Variants in EBF4 observed in about 807,000 individuals in gnomAD.
The protein encoded by EBF4 is transcription factor COE4.
EBF4 carries 34 observed loss-of-function variants against 67.1 expected under a neutral mutation model. The ratio of observed to expected loss-of-function variants is 0.51; its 90% CI spans 0.39 to 0.67. EBF4 has a LOEUF of 0.67. EBF4 is among the 30% of genes least tolerant of loss of function. EBF4 has a pLI of 0.00. For missense variants in EBF4, 837 were observed against 873.3 expected (o/e 0.96, Z 0.52); for synonymous variants, 387 against 377.7 (o/e 1.02, Z -0.29).
chr20:2,729,246 C>T (rs1162039350), intron 6 of EBF4, among the ~76,000 whole-genome samples: 1 of 151,912 alleles, frequency 6.6e-6, no homozygotes, highest in Non-Finnish European at 1.5e-5. Flanking sequence ...AGCGCATTTT[C>T]GCAACAGTTC....
chr20:2,705,740 G>A lies in EBF4; in HGVS notation c.294+7G>A, dbSNP rs1243746432. The A allele has an allele frequency of 1.9e-6, 3 of 1,547,888 alleles. No individual in the cohort carries two copies. Among genetic ancestry groups the A allele is most frequent in the Admixed American group, 3.9e-5 (2 of 50,764 alleles). Reference sequence around the variant, plus strand: ...CTTCGTGGAAAAGGACCGAGTGAGAGGCTCATGGGCTTGGCTGGGACTGGC... The same window carrying A: ...CTTCGTGGAAAAGGACCGAGTGAGAAGCTCATGGGCTTGGCTGGGACTGGC... On this transcript the variant is annotated splice_region_variant and intron_variant, in intron 2 of 16. Coordinates refer to ENST00000609451, the Ensembl canonical transcript of EBF4.
intron 5 of EBF4, among the ~76,000 whole-genome samples, chr20:2,708,528 C>T (rs759458823): frequency 1.2e-4 from 18 of 152,126 alleles, no homozygotes; most frequent in South Asian, 4.1e-4. Flanking sequence ...ACAGGGTCCT[C>T]GGAGGCAGTT....
chr20:2,694,943 A>T (rs942499160), intron 1 of EBF4, among the ~76,000 whole-genome samples: 2 of 152,198 alleles, frequency 1.3e-5, no homozygotes, highest in Non-Finnish European at 2.9e-5. Flanking sequence ...CAAAACTTTT[A>T]CAAGGGATAT....
intron 6 of EBF4, among the ~76,000 whole-genome samples, chr20:2,723,551 G>A (rs370780371): frequency 4.6e-5 from 7 of 151,834 alleles, no homozygotes; most frequent in East Asian, 1.9e-4. Context: ...GGGTTTCACC[G>A]TGTTAGCCAG....
At chr20:2,697,435 C>T (rs2087309524) in intron 1 of EBF4, among the ~76,000 whole-genome samples, 1 of 151,864 alleles carries the variant, frequency 6.6e-6, no homozygotes, top group Admixed American at 6.6e-5. Context: ...GTCCCAGCTA[C>T]TCAGGAGGCT....
intron 1 of EBF4, among the ~76,000 whole-genome samples, chr20:2,697,693 CCCCCTG>C (rs1216704787): frequency 5.3e-5 from 8 of 152,192 alleles, no homozygotes; most frequent in Admixed American, 2.6e-4. Flanking sequence ...TGCACAAGGA[CCCCCTG>C]CCCCTGCCCT....
chr20:2,712,102 T>C (rs887210653), intron 6 of EBF4, among the ~76,000 whole-genome samples: 6 of 152,152 alleles, frequency 3.9e-5, no homozygotes, highest in Non-Finnish European at 8.8e-5. Context: ...TGCAGGGTCT[T>C]ATAGGCTGCA....
chr20:2,707,990 G>A lies in EBF4; in HGVS notation c.458G>A (p.Arg153Gln), dbSNP rs1218091677. The A allele has an allele frequency of 1.9e-6, 3 of 1,609,108 alleles. No individual in the cohort carries two copies. The highest frequency in any genetic ancestry group is 2.5e-6 in the Non-Finnish European group (3 of 1,177,448). Residue 153 changes from arginine (R) to glutamine (Q), a missense_variant, in exon 5 of 17, where the codon CGA becomes CAA. By Grantham distance (43) the Arg-to-Gln change is conservative. Coordinates refer to ENST00000609451, the Ensembl canonical transcript of EBF4. The surrounding 1 kb of genome is among the most constrained non-coding windows in gnomAD (Gnocchi z 4.6). Reference sequence around the variant, plus strand: ...CAGGACAAGAACCCCGAAATGTGCCGAGTGCTGCTCACCCATGAGATCATG... The same window carrying A: ...CAGGACAAGAACCCCGAAATGTGCCAAGTGCTGCTCACCCATGAGATCATG...
chr20:2,722,928 A>T (rs889343819), intron 6 of EBF4, among the ~76,000 whole-genome samples: 3 of 152,058 alleles, frequency 2.0e-5, no homozygotes, highest in African/African-American at 7.2e-5. Context: ...GTCTTATTGG[A>T]TCTACTATAT....
In EBF4 at chr20:2,751,760, A is replaced by G; in HGVS notation, c.1079A>G (p.His360Arg). ...AGGCTACAGAAAGTCATTCCCAGAC[A>G]CCCCGGAGACCCCGAGAGGCTGCCC... is the stretch of plus-strand genomic sequence containing the variant. The change falls in exon 11 of 17, where the codon CAC (histidine) becomes CGC (arginine). Residue 360 changes from histidine (H) to arginine (R), a missense_variant. By Grantham distance (29) the His-to-Arg change is conservative. Coordinates refer to ENST00000609451, the Ensembl canonical transcript of EBF4. The surrounding 1 kb of genome is among the most constrained non-coding windows in gnomAD (Gnocchi z 5.2). 2 of 1,344,778 alleles carry G rather than the reference A, an allele frequency of 1.5e-6. No individual in the cohort carries two copies. The highest frequency in any genetic ancestry group is 2.0e-6 in the Non-Finnish European group (2 of 1,017,388). 83.3% of individuals were successfully genotyped at this position (1,344,778 alleles called of 1,614,324 possible). A position where few individuals can be genotyped will look rare whatever the true frequency, so the allele number is the denominator to read the frequency against.
At chr20:2,738,306 T>A (rs907425849) in intron 6 of EBF4, among the ~76,000 whole-genome samples, 2 of 152,122 alleles carry the variant, frequency 1.3e-5, no homozygotes, top group African/African-American at 2.4e-5. Context: ...TCCCACCTTC[T>A]CCTTTAAATC....
At chr20:2,721,246 C>CTTTTTTTTTTTTTTTTTTTTTTT (rs146844927) in intron 6 of EBF4, among the ~76,000 whole-genome samples, 2 of 108,120 alleles carry the variant, frequency 1.8e-5, no homozygotes, top group African/African-American at 3.4e-5. Context: ...TGATTCTCTT[C>CTTTTTTTTTTTTTTTTTTTTTTT]TTTTTTTTTT....
At chr20:2,733,810 G>C (rs2146452331) in intron 6 of EBF4, among the ~76,000 whole-genome samples, 1 of 144,340 alleles carries the variant, frequency 6.9e-6, no homozygotes, top group East Asian at 2.0e-4. Context: ...AGCGATAGCT[G>C]ATGAGAAAAA....
At chr20:2,714,320 TTCTCTCTTTCTC>T (rs1190962168) in intron 6 of EBF4, among the ~76,000 whole-genome samples, 2 of 151,976 alleles carry the variant, frequency 1.3e-5, no homozygotes, top group African/African-American at 4.8e-5. Flanking sequence ...CCTTCTTTCC[TTCTCTCTTTCTC>T]TCTCTCTTTC....
chr20:2,752,117 C>T (rs1444977237), exon 13 of EBF4: 3 of 1,467,646 alleles, frequency 2.0e-6, no homozygotes, highest in South Asian at 2.7e-5. Flanking sequence ...GCGGACGTGG[C>T]CGAGGCTCTG....
At chr20:2,741,420 C>T (rs1309130936) in intron 6 of EBF4, among the ~76,000 whole-genome samples, 1 of 152,196 alleles carries the variant, frequency 6.6e-6, no homozygotes, top group African/African-American at 2.4e-5. Flanking sequence ...TACTGAGTGT[C>T]TCTTTTGAGT....
chr20:2,703,862 G>A (rs1214028144), intron 1 of EBF4, among the ~76,000 whole-genome samples: 3 of 152,188 alleles, frequency 2.0e-5, no homozygotes, highest in African/African-American at 4.8e-5. Context: ...AGCAAGATGA[G>A]AGCTGGGGCC....
At chr20:2,715,817 C>T (rs942000487) in intron 6 of EBF4, among the ~76,000 whole-genome samples, 2 of 152,140 alleles carry the variant, frequency 1.3e-5, no homozygotes, top group Admixed American at 1.3e-4. Flanking sequence ...GGCGCAATCT[C>T]GGCTCACTGC....
In EBF4 at chr20:2,696,450, C is replaced by T. The variant is rs181922243; in HGVS notation, c.137+2668C>T. Among the ~76,000 whole-genome samples, 81 of 152,022 alleles carry T rather than the reference C, an allele frequency of 5.3e-4. No homozygotes were observed. The highest frequency in any genetic ancestry group is 1.8e-3 in the African/African-American group (76 of 41,468). On this transcript the variant is annotated intron_variant, in intron 1 of 16. Transcript: ENST00000609451. The surrounding 1 kb of genome is among the most constrained non-coding windows in gnomAD (Gnocchi z 4.7). ...TCGCACCACTGTACTCCAGCCTGGG[C>T]GGCAGAGTGAAACTGTGCCTCAAAA...
Sources: gnomAD v4.1 joint callset for allele counts (sites outside exome capture counted in the v4.1 genomes callset) on GRCh38, gnomAD v4.1.1 for gene constraint, Gnocchi (gnomAD v3.1) non-coding constraint, MANE v1.5 for transcripts, NCBI Gene and HGNC (gene_info 2026-07-23, HGNC 2026-07-21) for gene names.